DNAJC13: variants seen among roughly 807,000 people sequenced by gnomAD.
DNAJC13 encodes the protein DnaJ heat shock protein family (Hsp40) member C13.
DNAJC13 carries 75 observed loss-of-function variants against 290.5 expected under a neutral mutation model. The ratio of observed to expected loss-of-function variants is 0.26; its 90% CI spans 0.21 to 0.31. The LOEUF (loss-of-function observed/expected upper bound fraction) is 0.31. Ranked by LOEUF, DNAJC13 falls within the 10% of genes least tolerant of loss-of-function variation. The pLI, the probability that DNAJC13 is intolerant of heterozygous loss-of-function variation, is 1.00. For synonymous variants in DNAJC13, 862 were observed against 892.0 expected (o/e 0.97, Z 0.60); for missense variants, 2,260 against 2,674.5 (o/e 0.85, Z 3.42).
chr3:132,517,560 A>G (rs891303326), intron 48 of DNAJC13, among the ~76,000 whole-genome samples: 2 of 152,162 alleles, frequency 1.3e-5, no homozygotes, highest in African/African-American at 2.4e-5. Context: ...CAGTAGATCT[A>G]GGGTGGGGCC....
At chr3:132,471,608 G>A (rs1934262383) in intron 20 of DNAJC13, among the ~76,000 whole-genome samples, 1 of 138,796 alleles carries the variant, frequency 7.2e-6, no homozygotes, top group Non-Finnish European at 1.6e-5. Context: ...ATCCCAGATG[G>A]GGCGGCAGGG....
intron 48 of DNAJC13, among the ~76,000 whole-genome samples, chr3:132,521,912 G>A (rs1167812145): frequency 6.6e-6 from 1 of 152,196 alleles, no homozygotes; most frequent in Non-Finnish European, 1.5e-5. Flanking sequence ...GGGTGTCTCT[G>A]AAGCAACTGA....
chr3:132,424,952 G>A (rs1353929580), intron 1 of DNAJC13, among the ~76,000 whole-genome samples: 2 of 152,060 alleles, frequency 1.3e-5, no homozygotes, highest in Non-Finnish European at 2.9e-5. Flanking sequence ...AAGTTCATAT[G>A]GCAGTTTCCC....
intron 1 of DNAJC13, among the ~76,000 whole-genome samples, chr3:132,420,298 G>A (rs536935321): frequency 6.6e-6 from 1 of 152,348 alleles, no homozygotes; most frequent in African/African-American, 2.4e-5. Flanking sequence ...AGAAACTGCT[G>A]TGATTCTTCC....
chr3:132,538,210 A>G lies in DNAJC13; in HGVS notation c.6660A>G (p.Thr2220=). The G allele has an allele frequency of 2.5e-6, 4 of 1,613,976 alleles. No homozygotes were observed. The highest frequency in any genetic ancestry group is 3.4e-6 in the Non-Finnish European group (4 of 1,179,952). ...PGVAGYLTAG[T]STSVMSNLPP... is the part of the protein sequence containing the mutation. ...TTGCTGGCTACCTTACCGCAGGTAC[A>G]TCTACATCAGTCATGTCTAACCTGC... The change falls in exon 56 of 56, where the codon ACA becomes ACG. Residue 2220 remains threonine (T), a synonymous_variant. Transcript: ENST00000260818.
intron 2 of DNAJC13, among the ~76,000 whole-genome samples, chr3:132,443,747 GGA>G (rs916285791): frequency 1.3e-5 from 2 of 152,072 alleles, no homozygotes; most frequent in African/African-American, 2.4e-5. Flanking sequence ...GGAGGGGAAG[GGA>G]GTTCTCTTAG....
intron 20 of DNAJC13, among the ~76,000 whole-genome samples, chr3:132,469,939 T>C (rs1185181777): frequency 1.4e-5 from 2 of 145,198 alleles, no homozygotes; most frequent in Non-Finnish European, 3.0e-5. Context: ...TGTATATACA[T>C]GGGTTTCATT....
chr3:132,499,053 T>C (rs1402454855), intron 36 of DNAJC13, 73 bp from the exon 37 acceptor site: 6 of 1,318,548 alleles, frequency 4.6e-6, no homozygotes, highest in Non-Finnish European at 6.3e-6. Context: ...TTCTTGAACA[T>C]GGTATCAAAA....
At chr3:132,455,818 TG>T (rs1933579613) in intron 9 of DNAJC13, among the ~76,000 whole-genome samples, 1 of 152,182 alleles carries the variant, frequency 6.6e-6, no homozygotes, top group South Asian at 2.1e-4. Context: ...TTCCTGGGGC[TG>T]GGGAGTGTTC....
chr3:132,483,962 C>T (rs574817011), intron 28 of DNAJC13, among the ~76,000 whole-genome samples: 2 of 152,304 alleles, frequency 1.3e-5, no homozygotes, highest in African/African-American at 4.8e-5. Flanking sequence ...CGTCTTGCCC[C>T]ACTTGACCAG....
intron 22 of DNAJC13, among the ~76,000 whole-genome samples, 195 bp downstream of exon 22, chr3:132,475,280 C>T (rs903167468): frequency 1.3e-5 from 2 of 152,060 alleles, no homozygotes; most frequent in African/African-American, 2.4e-5. Flanking sequence ...AGTAACTTAG[C>T]TTTGTACCTG....
At position 132,462,550 on chromosome 3, in the gene DNAJC13, C is replaced by T. The variant is rs145585172; in HGVS notation, c.1770+27C>T. Reference sequence around the variant, plus strand: ...TGAGAGAACAATTTTGAAATTTTAACCTTACTTGAATGTTGATAGGCTGTT... The same window carrying T: ...TGAGAGAACAATTTTGAAATTTTAATCTTACTTGAATGTTGATAGGCTGTT... On this transcript the variant is annotated intron_variant, in intron 16 of 55. Transcript: ENST00000260818. The T allele has an allele frequency of 4.9e-4, 766 of 1,561,298 alleles. 4 individuals carry two copies. The African/African-American group carries it at 9.1e-3, about 19-fold the overall frequency.
At chr3:132,447,120 A>G (rs188280034) in intron 3 of DNAJC13, among the ~76,000 whole-genome samples, 11 of 152,244 alleles carry the variant, frequency 7.2e-5, no homozygotes, top group Admixed American at 2.0e-4. Context: ...GTCATCATTA[A>G]AATAGGAATA....
chr3:132,430,706 C>G (rs1335096905), intron 1 of DNAJC13, among the ~76,000 whole-genome samples: 1 of 152,162 alleles, frequency 6.6e-6, no homozygotes, highest in East Asian at 1.9e-4. Flanking sequence ...GGAAAAATAT[C>G]CGTACACCTA....
At chr3:132,479,569 T>G (rs1559888780) in intron 25 of DNAJC13, among the ~76,000 whole-genome samples, 1 of 152,158 alleles carries the variant, frequency 6.6e-6, no homozygotes, top group Non-Finnish European at 1.5e-5. Context: ...TTTTTAATAA[T>G]AAAAATTAGC....
intron 48 of DNAJC13, among the ~76,000 whole-genome samples, chr3:132,517,639 G>T (rs1483186057): frequency 1.3e-5 from 2 of 151,992 alleles, no homozygotes; most frequent in African/African-American, 4.8e-5. Context: ...GATATTTAGG[G>T]ATCATTATTC....
At chr3:132,428,826 C>G (rs532744587) in intron 1 of DNAJC13, among the ~76,000 whole-genome samples, 9 of 152,324 alleles carry the variant, frequency 5.9e-5, no homozygotes, top group African/African-American at 9.6e-5. Context: ...CCTCTGCCTC[C>G]TGGATTCAAA....
At chr3:132,465,290 G>A (rs747774053) in intron 17 of DNAJC13, among the ~76,000 whole-genome samples, 2 of 152,058 alleles carry the variant, frequency 1.3e-5, no homozygotes, top group Non-Finnish European at 2.9e-5. Flanking sequence ...TATAGCTATG[G>A]TAATTGAATC....
intron 45 of DNAJC13, among the ~76,000 whole-genome samples, chr3:132,513,466 G>A (rs1474543460): frequency 1.3e-5 from 2 of 152,140 alleles, no homozygotes; most frequent in Admixed American, 6.6e-5. Flanking sequence ...GACATACTGA[G>A]GCCATATCTG....
Sources: allele counts gnomAD v4.1 joint callset (sites outside exome capture counted in the v4.1 genomes callset), GRCh38; gene constraint gnomAD v4.1.1; transcripts MANE v1.5; gene names NCBI Gene and HGNC (gene_info 2026-07-23, HGNC 2026-07-21).